NUP88: variants seen among roughly 807,000 people sequenced by gnomAD.
NUP88 encodes the protein nucleoporin 88.
In NUP88, 57 loss-of-function variants were observed where a neutral mutation model predicts 93.9. The ratio of observed to expected loss-of-function variants is 0.61; its 90% CI spans 0.49 to 0.76. NUP88 has a LOEUF of 0.76. Ranked by LOEUF, NUP88 falls within the 30% of genes least tolerant of loss-of-function variation. The pLI is 0.00. For synonymous variants in NUP88, 346 were observed against 336.8 expected (o/e 1.03, Z -0.30); for missense variants, 911 against 901.0 (o/e 1.01, Z -0.14).
At chr17:5,396,630 T>C (rs12600578) in intron 8 of NUP88, among the ~76,000 whole-genome samples, 47,482 of 152,112 alleles carry the variant, frequency 0.31, 8,056 homozygotes, top group East Asian at 0.6. Flanking sequence ...CAGGTCTTCA[T>C]TTCTCTTGGA....
At chr17:5,386,376 A>G in intron 16 of NUP88, 107 bp from the exon 17 acceptor site, 1 of 876,376 alleles carries the variant, frequency 1.1e-6, no homozygotes, top group Non-Finnish European at 1.8e-6. Flanking sequence ...CTGCTTTGCT[A>G]AAATTAACAG....
intron 5 of NUP88, 149 bp from the exon 6 acceptor site, chr17:5,405,392 A>T: frequency 3.0e-6 from 2 of 673,816 alleles, no homozygotes; most frequent in Non-Finnish European, 4.8e-6. Flanking sequence ...TCGCTTTCCC[A>T]CTCAGATCCC....
intron 8 of NUP88, among the ~76,000 whole-genome samples, chr17:5,399,082 G>A (rs1415223991): frequency 6.8e-6 from 1 of 146,566 alleles, no homozygotes; most frequent in Non-Finnish European, 1.5e-5. Context: ...TAGTAGAGAT[G>A]GGGTTTCACC....
intron 1 of NUP88, chr17:5,418,035 G>T (rs75669379): frequency 3.4e-5 from 5 of 146,024 alleles, no homozygotes; most frequent in Non-Finnish European, 6.0e-5. Context: ...AGCTACTCGC[G>T]GGGGGGGCTG....
At chr17:5,389,418 G>C (rs555181800) in intron 10 of NUP88, among the ~76,000 whole-genome samples, 77 of 152,098 alleles carry the variant, frequency 5.1e-4, no homozygotes, top group Non-Finnish European at 7.1e-4. Context: ...ACTTCAAAAA[G>C]AGCTTAAAAG....
chr17:5,416,188 T>TACACACACACAC (rs149950508), intron 2 of NUP88, among the ~76,000 whole-genome samples: 18,025 of 125,658 alleles, frequency 0.14, 1,846 homozygotes, highest in African/African-American at 0.27. Flanking sequence ...TATACACACA[T>TACACACACACAC]ACACACACAC....
chr17:5,416,454 G>C, intron 2 of NUP88, 59 bp downstream of exon 2: 1 of 1,257,930 alleles, frequency 7.9e-7, no homozygotes, highest in Admixed American at 2.5e-5. Context: ...AGAACCACTA[G>C]TCTTGAACAA....
chr17:5,387,723 A>G, intron 12 of NUP88, 53 bp from the exon 13 acceptor site: 1 of 1,608,310 alleles, frequency 6.2e-7, no homozygotes, highest in Non-Finnish European at 8.5e-7. Context: ...CTAGGCTACC[A>G]TACAGCATCA....
At chr17:5,393,899 T>C (rs972147370) in intron 9 of NUP88, among the ~76,000 whole-genome samples, 1 of 152,230 alleles carries the variant, frequency 6.6e-6, no homozygotes, top group Non-Finnish European at 1.5e-5. Context: ...AGAGTGCTTA[T>C]GAGATATCTA....
At chr17:5,402,999 C>T (rs1385708237) in intron 7 of NUP88, among the ~76,000 whole-genome samples, 1 of 152,154 alleles carries the variant, frequency 6.6e-6, no homozygotes, top group Non-Finnish European at 1.5e-5. Context: ...CACACACACA[C>T]ACAAAAGCCA....
In NUP88 at chr17:5,395,716, C is replaced by T. The variant is rs530340858; in HGVS notation, c.1292-735G>A. 5.9e-5 allele frequency among the ~76,000 whole-genome samples: 9 copies of T among 151,896 alleles called. No individual in the cohort carries two copies. The South Asian group carries it at 1.0e-3, about 18-fold the overall frequency. ...GGTTTTAGTAGTAGACAGGGTTTCA[C>T]GGTATTGGCCAGACTGGTCTCGAAC... On this transcript the variant is annotated intron_variant, in intron 8 of 16. Transcript: ENST00000573584.
rs1913325675 is a variant in NUP88, at chr17:5,403,949, G to A, written c.1192+150C>T. The A allele has an allele frequency of 2.4e-5, 16 of 659,606 alleles. No individual in the cohort carries two copies. The East Asian group carries it at 4.6e-4, about 19-fold the overall frequency. The allele number at this position is 659,606 out of a possible 1,614,324, so 40.9% of individuals were successfully genotyped here. On this transcript the variant is annotated intron_variant, in intron 7 of 16. Coordinates refer to ENST00000573584, the MANE Select transcript of NUP88 (RefSeq NM_002532.6). ...TTGCTCAGTCTGCCTTAGACAAAAA[G>A]TGTACTATAGTGACTAAAAAGCTAA...
At chr17:5,402,395 G>C (rs575162175) in intron 7 of NUP88, among the ~76,000 whole-genome samples, 66 of 152,178 alleles carry the variant, frequency 4.3e-4, no homozygotes, top group African/African-American at 1.5e-3. Context: ...AAAGATATAC[G>C]TATCTATATG....
chr17:5,418,878 T>C (rs2151652017), intron 1 of NUP88, among the ~76,000 whole-genome samples: 1 of 152,308 alleles, frequency 6.6e-6, no homozygotes, highest in Admixed American at 6.5e-5. Context: ...GGTATGGCTT[T>C]ATTTTCTAAA....
At chr17:5,415,537 T>C (rs80305470) in intron 2 of NUP88, among the ~76,000 whole-genome samples, 2,476 of 152,326 alleles carry the variant, frequency 0.016, 75 homozygotes, top group African/African-American at 0.055. Context: ...ACTCAACTTA[T>C]AAGTTGCGGA....
intron 5 of NUP88, among the ~76,000 whole-genome samples, chr17:5,407,924 T>C (rs1157962499): frequency 1.3e-5 from 2 of 152,172 alleles, no homozygotes; most frequent in African/African-American, 4.8e-5. Flanking sequence ...TCTGTCCCAG[T>C]CCCCTCCCTA....
At chr17:5,406,333 A>G (rs1356694472) in intron 5 of NUP88, among the ~76,000 whole-genome samples, 1 of 152,212 alleles carries the variant, frequency 6.6e-6, no homozygotes, top group Admixed American at 6.5e-5. Context: ...AAGAACAAGA[A>G]AACTTATTTA....
At chr17:5,397,069 G>C (rs1019789789) in intron 8 of NUP88, among the ~76,000 whole-genome samples, 1 of 152,112 alleles carries the variant, frequency 6.6e-6, no homozygotes, top group African/African-American at 2.4e-5. Flanking sequence ...GCCAGGTGCG[G>C]TGGATCACAC....
At chr17:5,411,230 A>ATATT (rs558225797) in intron 3 of NUP88, among the ~76,000 whole-genome samples, 65 of 152,276 alleles carry the variant, frequency 4.3e-4, no homozygotes, top group Middle Eastern at 3.4e-3. Context: ...AGAGTGAGTG[A>ATATT]TATTTAGCCT....
Sources: allele counts gnomAD v4.1 joint callset (sites outside exome capture counted in the v4.1 genomes callset), GRCh38; gene constraint gnomAD v4.1.1; transcripts MANE v1.5; gene names NCBI Gene and HGNC (gene_info 2026-07-23, HGNC 2026-07-21).